DMGDH: variants seen among roughly 807,000 people sequenced by gnomAD.
The protein encoded by DMGDH is dimethylglycine dehydrogenase, also known as dimethylglycine dehydrogenase, mitochondrial.
Under a neutral mutation model 95.2 loss-of-function variants are expected in DMGDH, and 76 were observed. The observed-to-expected ratio is 0.80, with a 90% confidence interval of 0.66 to 0.97. The LOEUF is 0.97. Among genes scored for constraint, DMGDH ranks in the 50% least tolerant of loss-of-function variants. DMGDH has a pLI of 0.00. For synonymous variants in DMGDH, 345 were observed against 377.6 expected (o/e 0.91, Z 1.00); for missense variants, 987 against 1,055.0 (o/e 0.94, Z 0.89).
Position 78,998,264 on chromosome 5 carries a change from A to T in DMGDH, c.2419T>A (p.Tyr807Asn). The change falls in exon 16 of 16, where the codon TAC (tyrosine) becomes AAC (asparagine). Residue 807 changes from tyrosine to asparagine, a missense_variant. Coordinates refer to ENST00000255189, the MANE Select transcript of DMGDH (RefSeq NM_013391.3). Reference protein sequence around the residue: ...VGNTTSGSYSYSIQKSLAFAY... With the variant: ...VGNTTSGSYSNSIQKSLAFAY... ...AAAGCCAGACTCTTCTGGATGCTGTAGCTATAGCTTCCAGATGTCGTGTTG... is the reference window on the plus strand; with the variant it reads ...AAAGCCAGACTCTTCTGGATGCTGTTGCTATAGCTTCCAGATGTCGTGTTG... 1.9e-6 allele frequency: 3 copies of T among 1,614,148 alleles called. No homozygotes were observed. Among genetic ancestry groups the T allele is most frequent in the Non-Finnish European group, 2.5e-6 (3 of 1,179,998 alleles).
chr5:79,066,505 G>A (rs981068624), intron 1 of DMGDH, among the ~76,000 whole-genome samples: 12 of 148,564 alleles, frequency 8.1e-5, no homozygotes, highest in Admixed American at 6.1e-4. Context: ...CATGCTAACC[G>A]GGATGGTCTT....
In DMGDH at chr5:79,063,596, T is replaced by A; in HGVS notation, c.276+17A>T. On this transcript the variant is annotated intron_variant, in intron 2 of 15. Coordinates refer to ENST00000255189, the MANE Select transcript of DMGDH (RefSeq NM_013391.3). ...GCACAATTCCACGCTTATGACAGTT[T>A]GGGGTGCTTTTCTTACTGCGTGCCA... The A allele has an allele frequency of 6.2e-7, 1 of 1,614,142 alleles. No homozygotes were observed. The highest frequency in any genetic ancestry group is 1.1e-5 in the South Asian group (1 of 91,076).
At chr5:79,067,951 T>G (rs1406954012) in intron 1 of DMGDH, among the ~76,000 whole-genome samples, 3 of 152,232 alleles carry the variant, frequency 2.0e-5, no homozygotes, top group Non-Finnish European at 4.4e-5. Flanking sequence ...ATGGAATCCC[T>G]GTCGCCCAGG....
chr5:79,009,402 C>A (rs1350911207), intron 14 of DMGDH, among the ~76,000 whole-genome samples: 1 of 148,848 alleles, frequency 6.7e-6, no homozygotes, highest in Non-Finnish European at 1.5e-5. Flanking sequence ...TCTCTGTCAC[C>A]CAGGCTGGAG....
At chr5:79,031,087 T>C (rs2112627395) in intron 9 of DMGDH, 89 bp from the exon 10 acceptor site, 1 of 1,441,628 alleles carries the variant, frequency 6.9e-7, no homozygotes, top group African/African-American at 1.4e-5. Flanking sequence ...CCTACTCATC[T>C]AGAAAATCCT....
At chr5:79,060,916 C>CAA (rs59948927) in intron 2 of DMGDH, among the ~76,000 whole-genome samples, 38 of 103,484 alleles carry the variant, frequency 3.7e-4, no homozygotes, top group Non-Finnish European at 6.5e-4. Context: ...GACTCTGTCT[C>CAA]AAAAAAAAAA....
At chr5:79,006,704 C>A in intron 14 of DMGDH, among the ~76,000 whole-genome samples, 1 of 152,174 alleles carries the variant, frequency 6.6e-6, no homozygotes, top group East Asian at 1.9e-4. Context: ...AAGAGTATTT[C>A]ATGCCTAAGA....
chr5:79,031,257 A>G (rs1754167235), intron 9 of DMGDH, among the ~76,000 whole-genome samples: 1 of 152,356 alleles, frequency 6.6e-6, no homozygotes, highest in Non-Finnish European at 1.5e-5. Context: ...CTGGAAAATA[A>G]GATATAATTC....
At chr5:79,005,620 A>G (rs781526312) in intron 14 of DMGDH, among the ~76,000 whole-genome samples, 1 of 152,194 alleles carries the variant, frequency 6.6e-6, no homozygotes, top group Non-Finnish European at 1.5e-5. Flanking sequence ...ACTTAAGGGT[A>G]ATAACTTGTG....
intron 7 of DMGDH, among the ~76,000 whole-genome samples, chr5:79,036,887 C>T (rs149976440): frequency 1.2e-3 from 190 of 152,076 alleles, no homozygotes; most frequent in African/African-American, 4.4e-3. Context: ...CTCAATGTCA[C>T]GGTATTTAGA....
At chr5:79,060,430 C>T (rs1755164340) in intron 2 of DMGDH, among the ~76,000 whole-genome samples, 2 of 152,190 alleles carry the variant, frequency 1.3e-5, no homozygotes. Context: ...ATTTGTGATT[C>T]CATTTAGAAG....
intron 1 of DMGDH, among the ~76,000 whole-genome samples, chr5:79,064,952 G>A (rs1211099639): frequency 1.3e-5 from 2 of 152,128 alleles, no homozygotes; most frequent in East Asian, 1.9e-4. Context: ...GTTTCACCAT[G>A]TTGGCCAGGC....
At chr5:79,000,302 C>A (rs1420048925) in intron 15 of DMGDH, 3 of 670,980 alleles carry the variant, frequency 4.5e-6, no homozygotes, top group South Asian at 1.4e-5. Context: ...AGATGCCCAC[C>A]AGCTGCTCTT....
At chr5:79,001,366 T>C (rs1390729478) in intron 15 of DMGDH, among the ~76,000 whole-genome samples, 3 of 152,256 alleles carry the variant, frequency 2.0e-5, no homozygotes, top group Non-Finnish European at 4.4e-5. Context: ...TTTCACCATG[T>C]TGGCCAGGCT....
chr5:79,014,116 A>G lies in DMGDH; in HGVS notation c.2251-8709T>C, dbSNP rs1471743183. ...TTCCTTCTCAAAAATGTTTAATATT[A>G]CTAGAACAGGAACCATAGTCACTAA... On this transcript the variant is annotated intron_variant, in intron 14 of 15. Transcript: ENST00000255189. 2.6e-5 allele frequency among the ~76,000 whole-genome samples: 4 copies of G among 152,374 alleles called. No homozygotes were observed. In the South Asian group the frequency reaches 6.2e-4, roughly 24 times the overall value.
chr5:79,058,843 C>T (rs1045944679), intron 2 of DMGDH, among the ~76,000 whole-genome samples: 1 of 152,158 alleles, frequency 6.6e-6, no homozygotes, highest in African/African-American at 2.4e-5. Flanking sequence ...TTCCTGGATG[C>T]TAAATAATGG....
intron 5 of DMGDH, 94 bp from the exon 6 acceptor site, chr5:79,044,646 A>C: frequency 7.0e-7 from 1 of 1,420,938 alleles, no homozygotes; most frequent in South Asian, 1.2e-5. Flanking sequence ...AATGTTTAGA[A>C]GGCTTAAGTA....
At chr5:79,017,962 A>C (rs1189110577) in intron 14 of DMGDH, among the ~76,000 whole-genome samples, 1 of 152,248 alleles carries the variant, frequency 6.6e-6, no homozygotes, top group East Asian at 1.9e-4. Flanking sequence ...CCTAAACTGG[A>C]AACATCCCAA....
At chr5:79,004,389 A>G (rs1753507675) in intron 15 of DMGDH, among the ~76,000 whole-genome samples, 1 of 152,156 alleles carries the variant, frequency 6.6e-6, no homozygotes, top group Admixed American at 6.5e-5. Flanking sequence ...ATGGAAACAA[A>G]TATCAAGTAG....
Sources: allele counts gnomAD v4.1 joint callset (sites outside exome capture counted in the v4.1 genomes callset), GRCh38; gene constraint gnomAD v4.1.1; transcripts MANE v1.5; gene names NCBI Gene and HGNC (gene_info 2026-07-23, HGNC 2026-07-21).